Variants in HS3ST5 observed in about 807,000 individuals in gnomAD.
HS3ST5 encodes the protein heparan sulfate glucosamine 3-O-sulfotransferase 5.
A neutral mutation model predicts 25.4 loss-of-function variants in HS3ST5; 10 were observed. The observed-to-expected ratio is 0.39, with a 90% confidence interval of 0.24 to 0.67. The LOEUF (loss-of-function observed/expected upper bound fraction) is 0.67. HS3ST5 is among the 30% of genes least tolerant of loss of function. The pLI is 0.44. For missense variants in HS3ST5, 324 were observed against 420.7 expected, an observed-to-expected ratio of 0.77 and a Z score of 2.01; for synonymous variants, 170 against 162.4, an observed-to-expected ratio of 1.05 and a Z score of -0.36.
chr6:114,082,858 C>T (rs1774537486), intron 3 of HS3ST5, among the ~76,000 whole-genome samples: 1 of 152,156 alleles, frequency 6.6e-6, no homozygotes, highest in African/African-American at 2.4e-5. Context: ...AATTAGCCAA[C>T]TGGAATTAGT....
intron 2 of HS3ST5, among the ~76,000 whole-genome samples, chr6:114,184,444 TTAAC>T (rs1263347374): frequency 3.9e-5 from 6 of 152,016 alleles, no homozygotes; most frequent in Non-Finnish European, 7.4e-5. Context: ...ATGGACTTAA[TTAAC>T]TACCCCAGCA....
intron 1 of HS3ST5, among the ~76,000 whole-genome samples, chr6:114,230,788 C>T (rs994878036): frequency 2.0e-5 from 3 of 151,792 alleles, no homozygotes; most frequent in Non-Finnish European, 4.4e-5. Flanking sequence ...CAGGGTTTCA[C>T]CATGTTGGCC....
At chr6:114,314,843 T>C (rs1775685116) in intron 1 of HS3ST5, among the ~76,000 whole-genome samples, 1 of 152,232 alleles carries the variant, frequency 6.6e-6, no homozygotes, top group Non-Finnish European at 1.5e-5. Context: ...TCAGAAGTTT[T>C]AGATTTAAGA....
At chr6:114,149,626 T>G (rs541165831) in intron 3 of HS3ST5, among the ~76,000 whole-genome samples, 3 of 152,188 alleles carry the variant, frequency 2.0e-5, no homozygotes, top group African/African-American at 7.2e-5. Context: ...AAATACCTAA[T>G]GCATGTGGGG....
chr6:114,338,172 C>T (rs1194229092), intron 1 of HS3ST5, among the ~76,000 whole-genome samples: 1 of 151,916 alleles, frequency 6.6e-6, no homozygotes, highest in African/African-American at 2.4e-5. Flanking sequence ...CAAAGTGATG[C>T]TGACTTCACA....
intron 2 of HS3ST5, among the ~76,000 whole-genome samples, chr6:114,179,758 C>T (rs939209306): frequency 6.7e-6 from 1 of 149,920 alleles, no homozygotes; most frequent in African/African-American, 2.5e-5. Context: ...CACGATAGAC[C>T]ATCTGCAGGC....
intron 3 of HS3ST5, among the ~76,000 whole-genome samples, chr6:114,144,776 C>T (rs957524045): frequency 1.1e-4 from 17 of 152,202 alleles, no homozygotes; most frequent in African/African-American, 4.1e-4. Context: ...GTTTCCTCAT[C>T]TGTAAAAGGC....
chr6:114,132,844 G>A (rs576794950), intron 3 of HS3ST5, among the ~76,000 whole-genome samples: 3 of 152,138 alleles, frequency 2.0e-5, no homozygotes, highest in South Asian at 2.1e-4. Flanking sequence ...CTTTCAAGCC[G>A]GTCTGAATTC....
chr6:114,171,435 T>C (rs9320482), intron 2 of HS3ST5, among the ~76,000 whole-genome samples: 82,203 of 151,976 alleles, frequency 0.54, 22,629 homozygotes, highest in African/African-American at 0.63. Flanking sequence ...TCCATTTGGA[T>C]GGGGTTTCCT....
intron 2 of HS3ST5, among the ~76,000 whole-genome samples, chr6:114,222,866 G>A (rs528145393): frequency 6.6e-6 from 1 of 151,866 alleles, no homozygotes; most frequent in South Asian, 2.1e-4. Context: ...AGTAATGTGT[G>A]GTTTAGATAG....
At chr6:114,173,733 C>T (rs1327235559) in intron 2 of HS3ST5, among the ~76,000 whole-genome samples, 5 of 152,034 alleles carry the variant, frequency 3.3e-5, no homozygotes, top group African/African-American at 9.7e-5. Context: ...GTCGCGGGTA[C>T]CTGTAGTCCC....
chr6:114,177,350 T>G (rs1281887126), intron 2 of HS3ST5, among the ~76,000 whole-genome samples: 1 of 152,188 alleles, frequency 6.6e-6, no homozygotes, highest in African/African-American at 2.4e-5. Flanking sequence ...GGGAACATAA[T>G]GCCACAGAAT....
intron 1 of HS3ST5, among the ~76,000 whole-genome samples, chr6:114,235,418 C>A (rs976103637): frequency 9.2e-5 from 14 of 151,476 alleles, no homozygotes; most frequent in Non-Finnish European, 7.4e-5. Context: ...TACATTGTAA[C>A]CCCTAGATGA....
chr6:114,336,042 TTTCTTCATACACTTCCATCAAGAG>T (rs1283284062), intron 1 of HS3ST5, among the ~76,000 whole-genome samples: 1 of 152,218 alleles, frequency 6.6e-6, no homozygotes. Context: ...CACATAATTC[TTTCTTCATACACTTCCATCAAGAG>T]TAAGAGAACC....
chr6:114,341,430 G>GTC (rs1776866125), intron 1 of HS3ST5, among the ~76,000 whole-genome samples: 1 of 152,146 alleles, frequency 6.6e-6, no homozygotes, highest in African/African-American at 2.4e-5. Context: ...TCCAGGTAAA[G>GTC]ACATCCACCT....
At chr6:114,326,685 T>A (rs2114900470) in intron 1 of HS3ST5, among the ~76,000 whole-genome samples, 1 of 152,050 alleles carries the variant, frequency 6.6e-6, no homozygotes, top group Middle Eastern at 3.4e-3. Flanking sequence ...AGTCTTTAGA[T>A]TTTTTTTCAG....
chr6:114,097,239 A>G (rs998402583), intron 3 of HS3ST5, among the ~76,000 whole-genome samples: 1 of 152,010 alleles, frequency 6.6e-6, no homozygotes, highest in African/African-American at 2.4e-5. Flanking sequence ...TACAGAATAA[A>G]GCTTTTAAAT....
intron 3 of HS3ST5, among the ~76,000 whole-genome samples, chr6:114,109,673 T>G (rs1776170214): frequency 6.6e-6 from 1 of 152,202 alleles, no homozygotes; most frequent in Non-Finnish European, 1.5e-5. Flanking sequence ...TGGCTGCTGT[T>G]CATGAGAGGT....
chr6:114,159,470 G>A (rs892619642), intron 3 of HS3ST5, among the ~76,000 whole-genome samples: 2 of 152,134 alleles, frequency 1.3e-5, no homozygotes, highest in South Asian at 4.1e-4. Context: ...GCCAAGTTAT[G>A]ACTATGTTTA....
Sources: allele counts gnomAD v4.1 joint callset (sites outside exome capture counted in the v4.1 genomes callset), GRCh38; gene constraint gnomAD v4.1.1; transcripts MANE v1.5; gene names NCBI Gene and HGNC (gene_info 2026-07-23, HGNC 2026-07-21).